Variants in COL6A2 observed in about 807,000 individuals in gnomAD.
COL6A2 encodes collagen type VI alpha 2 chain.
Under a neutral mutation model 124.9 loss-of-function variants are expected in COL6A2, and 90 were observed. That is an observed-to-expected ratio of 0.72 (90% CI 0.61 to 0.86). COL6A2 has a LOEUF of 0.86. Ranked by LOEUF, COL6A2 falls within the 40% of genes least tolerant of loss-of-function variation. COL6A2 has a pLI of 0.00. For synonymous variants in COL6A2, 793 were observed against 618.2 expected (o/e 1.28, Z -4.19); for missense variants, 1,607 against 1,502.5 (o/e 1.07, Z -1.15).
intron 1 of COL6A2, among the ~76,000 whole-genome samples, chr21:46,103,732 T>C (rs1304253636): frequency 2.0e-5 from 3 of 152,228 alleles, no homozygotes; most frequent in Non-Finnish European, 4.4e-5. Context: ...TTAACTTTAC[T>C]CCTTTGTGGT....
rs566966690 is a variant in COL6A2, at chr21:46,126,176, G to A, written c.2361G>A (p.Thr787=). Residue 787 remains threonine (T), a synonymous_variant, in exon 26 of 28, where the codon ACG becomes ACA. Coordinates refer to ENST00000300527, the MANE Select transcript of COL6A2 (RefSeq NM_001849.4). ...CDKPQQVRNM[T]LFSDLVAEKF... is the part of the protein sequence containing the mutation. The stretch of plus-strand genomic sequence containing the variant: ...AGCCACAGCAGGTGCGCAACATGAC[G>A]CTGTTCTCCGACCTGGTCGCTGAGA... The A allele has an allele frequency of 9.6e-5, 154 of 1,607,308 alleles. No homozygotes were observed. Among genetic ancestry groups the A allele is most frequent in the Non-Finnish European group, 1.2e-4 (146 of 1,179,954 alleles).
At chr21:46,104,046 A>G (rs951220888) in intron 1 of COL6A2, among the ~76,000 whole-genome samples, 1 of 152,260 alleles carries the variant, frequency 6.6e-6, no homozygotes, top group African/African-American at 2.4e-5. Flanking sequence ...TTTATACTTT[A>G]TGCTGATCCT....
In COL6A2 at chr21:46,126,486, T is replaced by G; in HGVS notation, c.2423-17T>G. ...GGACTGACCCTGGCCTGGCCCGGCCTCTCTCCTCTCTTCCAGACCCTCAGA... is the reference window on the plus strand; with the variant it reads ...GGACTGACCCTGGCCTGGCCCGGCCGCTCTCCTCTCTTCCAGACCCTCAGA... On this transcript the variant is annotated splice_polypyrimidine_tract_variant and intron_variant, in intron 26 of 27. Transcript: ENST00000300527. The G allele has an allele frequency of 6.6e-7, 1 of 1,507,292 alleles. No individual in the cohort carries two copies. The highest frequency in any genetic ancestry group is 9.2e-7 in the Non-Finnish European group (1 of 1,088,760). 93.4% of individuals were successfully genotyped at this position (1,507,292 alleles called of 1,614,324 possible).
intron 15 of COL6A2, among the ~76,000 whole-genome samples, chr21:46,120,054 G>A (rs978575779): frequency 1.0e-4 from 11 of 105,014 alleles, no homozygotes; most frequent in Non-Finnish European, 2.3e-4. Context: ...TACCCACCCA[G>A]GCACACCCCG....
intron 21 of COL6A2, 96 bp from the exon 22 acceptor site, chr21:46,124,555 G>A: frequency 8.7e-7 from 1 of 1,146,914 alleles, no homozygotes. Flanking sequence ...CCCCGCCAAG[G>A]GAGGACCCGT....
Position 46,102,706 on chromosome 21 carries a change from ATT to A in COL6A2, c.-28+4545_-28+4546del, listed in dbSNP as rs35972772. Among the ~76,000 whole-genome samples the A allele has an allele frequency of 1.5e-3, 227 of 147,184 alleles. 1 individual carries two copies. The highest frequency in any genetic ancestry group is 4.4e-3 in the African/African-American group (177 of 40,120). ...CTGTTAATGTGTATTACATTGATTG[ATT>A]TTTTTTTTTTTGTATGTTGAACTAT... is the stretch of plus-strand genomic sequence containing the variant. On this transcript the variant is annotated intron_variant, in intron 1 of 27. Coordinates refer to ENST00000300527, the MANE Select transcript of COL6A2 (RefSeq NM_001849.4).
At chr21:46,115,959 C>T (rs2123625828) in intron 6 of COL6A2, 34 bp downstream of exon 6, 1 of 1,612,420 alleles carries the variant, frequency 6.2e-7, no homozygotes, top group African/African-American at 1.3e-5. Context: ...GCCCCGCCTG[C>T]AGCCCAGCGC....
At chr21:46,127,799 C>CGTGA (rs1229830127) in intron 27 of COL6A2, among the ~76,000 whole-genome samples, 1 of 152,170 alleles carries the variant, frequency 6.6e-6, no homozygotes, top group African/African-American at 2.4e-5. Flanking sequence ...CAGGTTCTAT[C>CGTGA]GTGAGTGGGT....
intron 27 of COL6A2, among the ~76,000 whole-genome samples, chr21:46,129,995 A>G (rs1445293631): frequency 2.0e-5 from 3 of 152,152 alleles, no homozygotes; most frequent in African/African-American, 7.2e-5. Context: ...CCTCGGAAAC[A>G]GGCCCCAGAG....
rs922144491 is a variant in COL6A2 at position 46,116,922 on chromosome 21, C to T, written c.999+108C>T. ...CTGTCAGCTTACACATGTGTACACA[C>T]GCATACACACACACACACACACACA... is the stretch of plus-strand genomic sequence containing the variant. On this transcript the variant is annotated intron_variant, in intron 10 of 27. Coordinates refer to ENST00000300527, the MANE Select transcript of COL6A2 (RefSeq NM_001849.4). This position sits in a 1 kb window ranked among gnomAD's most constrained non-coding sequence, Gnocchi z 4.6. 30 of 845,654 alleles carry T rather than the reference C, an allele frequency of 3.5e-5. No homozygotes were observed. Among genetic ancestry groups the T allele is most frequent in the African/African-American group, 1.8e-4 (8 of 45,420 alleles). 52.4% of individuals were successfully genotyped at this position (845,654 alleles called of 1,614,324 possible). A position where few individuals can be genotyped will look rare whatever the true frequency, so the allele number is the denominator to read the frequency against.
intron 26 of COL6A2, 39 bp downstream of exon 26, chr21:46,126,276 C>G: frequency 6.3e-7 from 1 of 1,589,910 alleles, no homozygotes; most frequent in Non-Finnish European, 8.5e-7. Context: ...CGAGGAGCAG[C>G]AGGCCCCAGC....
intron 4 of COL6A2, chr21:46,113,586 C>T (rs1030539337): frequency 4.7e-5 from 11 of 236,372 alleles, no homozygotes; most frequent in African/African-American, 1.8e-4. Context: ...GTGGGAGGAT[C>T]GCTTTCGTAT....
chr21:46,108,850 C>T (rs2078363689), intron 1 of COL6A2, among the ~76,000 whole-genome samples: 1 of 152,148 alleles, frequency 6.6e-6, no homozygotes, highest in South Asian at 2.1e-4. Context: ...CCTCTATGGC[C>T]AGTGGCGCCT....
Position 46,126,242 on chromosome 21 carries a change from G to C in COL6A2, c.2422+5G>C, listed in dbSNP as rs762088516. On this transcript the variant is annotated splice_donor_5th_base_variant and intron_variant, in intron 26 of 27. Coordinates refer to ENST00000300527, the MANE Select transcript of COL6A2 (RefSeq NM_001849.4). ...TGGAGGACGTCCTCTGCCCGGGTGAGCGTGTGGGCGCGGGGCAGTCGGCCG... is the reference window on the plus strand; with the variant it reads ...TGGAGGACGTCCTCTGCCCGGGTGACCGTGTGGGCGCGGGGCAGTCGGCCG... 1 of 1,598,084 alleles carries C rather than the reference G, an allele frequency of 6.3e-7. No individual in the cohort carries two copies. The highest frequency in any genetic ancestry group is 8.5e-7 in the Non-Finnish European group (1 of 1,178,370).
chr21:46,125,553 G>A lies in COL6A2; in HGVS notation c.1905G>A (p.Lys635=), dbSNP rs535402514. 3.1e-6 allele frequency: 5 copies of A among 1,612,874 alleles called. No individual in the cohort carries two copies. The South Asian group carries it at 4.4e-5, about 14-fold the overall frequency. The part of the protein sequence containing the change: ...SIGYTNFTLE[K]NFVINVVNRL... ...GGTACACCAACTTCACACTGGAGAAGAACTTCGTCATCAACGTGGTCAACA... is the reference window on the plus strand; with the variant it reads ...GGTACACCAACTTCACACTGGAGAAAAACTTCGTCATCAACGTGGTCAACA... The change falls in exon 25 of 28, where the codon AAG becomes AAA. Residue 635 remains lysine, a synonymous_variant. Coordinates refer to ENST00000300527, the MANE Select transcript of COL6A2 (RefSeq NM_001849.4).
At position 46,112,578 on chromosome 21, in the gene COL6A2, G is replaced by C. The variant is rs2078419667; in HGVS notation, c.714+1G>C. ...CATCAACCGCATCATCAAGGTCATG[G>C]TGAGCCGCGGGCGGGAGCACCGTCC... On this transcript the variant is annotated splice_donor_variant, in intron 3 of 27. Coordinates refer to ENST00000300527, the MANE Select transcript of COL6A2 (RefSeq NM_001849.4). LOFTEE classifies it high-confidence loss of function. 6.2e-7 allele frequency: 1 copy of C among 1,611,936 alleles called. No individual in the cohort carries two copies. The highest frequency in any genetic ancestry group is 8.5e-7 in the Non-Finnish European group (1 of 1,179,842).
rs369344885 is a variant in COL6A2, at chr21:46,126,108, G to A, written c.2293G>A (p.Glu765Lys). The change falls in exon 26 of 28, where the codon GAG becomes AAG. Residue 765 changes from glutamate (E) to lysine (K), a missense_variant. By Grantham distance (56) the Glu-to-Lys change is moderately conservative (BLOSUM62 1). Transcript: ENST00000300527. Reference sequence around the variant, plus strand: ...CATCGGCATCGGGGACATGTTCCACGAGAAGCACGAGAGTGAAAACCTCTA... The same window carrying A: ...CATCGGCATCGGGGACATGTTCCACAAGAAGCACGAGAGTGAAAACCTCTA... The part of the protein sequence containing the change: ...TAIGIGDMFH[E>K]KHESENLYSI... 1.8e-4 allele frequency: 295 copies of A among 1,612,484 alleles called. 1 individual carries two copies. The highest frequency in any genetic ancestry group is 2.2e-4 in the Non-Finnish European group (258 of 1,180,014).
In COL6A2 at chr21:46,116,194, TG is replaced by T; in HGVS notation, c.900+143del. ...GAACAGAAGCACCTCGATAACTTGA[TG>T]GCCGTCCCAAAACCCAGCCTCCAGC... On this transcript the variant is annotated intron_variant, in intron 7 of 27. Transcript: ENST00000300527. This position sits in a 1 kb window ranked among gnomAD's most constrained non-coding sequence, Gnocchi z 4.6. 1 of 1,154,550 alleles carries T rather than the reference TG, an allele frequency of 8.7e-7. No homozygotes were observed. The highest frequency in any genetic ancestry group is 1.3e-6 in the Non-Finnish European group (1 of 789,616). The allele number at this position is 1,154,550 out of a possible 1,614,324, so 71.5% of individuals were successfully genotyped here. A position where few individuals can be genotyped will look rare whatever the true frequency, so the allele number is the denominator to read the frequency against.
chr21:46,125,033 G>GGAGGTCAGAGGGC, intron 23 of COL6A2, 113 bp downstream of exon 23: 1 of 1,336,644 alleles, frequency 7.5e-7, no homozygotes, highest in Non-Finnish European at 1.1e-6. Flanking sequence ...GATCAGTGGA[G>GGAGGTCAGAGGGC]GAGGTCAGAG....
Sources: gnomAD v4.1 joint callset for allele counts (sites outside exome capture counted in the v4.1 genomes callset) on GRCh38, gnomAD v4.1.1 for gene constraint, Gnocchi (gnomAD v3.1) non-coding constraint, MANE v1.5 for transcripts, NCBI Gene and HGNC (gene_info 2026-07-23, HGNC 2026-07-21) for gene names.